GNG2: variants seen among roughly 807,000 people sequenced by gnomAD.
GNG2 encodes guanine nucleotide-binding protein G(I)/G(S)/G(O) subunit gamma-2.
Under a neutral mutation model 5.5 loss-of-function variants are expected in GNG2, and 5 were observed. The observed-to-expected ratio is 0.91, with a 90% CI of 0.48 to 1.92. The LOEUF is 1.92. Among genes scored for constraint, GNG2 ranks in the 30% most tolerant of loss-of-function variants. The pLI, the probability that GNG2 is intolerant of heterozygous loss-of-function variation, is 0.01. For missense variants in GNG2, 55 were observed against 88.4 expected (o/e 0.62, Z 1.52); for synonymous variants, 28 against 32.0 (o/e 0.88, Z 0.42).
chr14:51,931,341 T>C (rs1887647713), intron 2 of GNG2, among the ~76,000 whole-genome samples: 1 of 152,130 alleles, frequency 6.6e-6, no homozygotes, highest in African/African-American at 2.4e-5. Flanking sequence ...TTGACTGCTA[T>C]ATGGGAAAGA....
intron 1 of GNG2, among the ~76,000 whole-genome samples, chr14:51,873,670 T>A (rs1209864064): frequency 6.6e-6 from 1 of 152,262 alleles, no homozygotes; most frequent in African/African-American, 2.4e-5. Context: ...TGTAAGTCTC[T>A]AAGGTCAACC....
chr14:51,906,998 G>T (rs747595153), intron 2 of GNG2, among the ~76,000 whole-genome samples: 3 of 151,956 alleles, frequency 2.0e-5, no homozygotes, highest in Non-Finnish European at 4.4e-5. Context: ...CTCGTGATCC[G>T]CCTGCCTTGG....
chr14:51,840,293 C>T (rs1427139219), intron 2 of GNG2, among the ~76,000 whole-genome samples: 1 of 152,146 alleles, frequency 6.6e-6, no homozygotes, highest in Non-Finnish European at 1.5e-5. Context: ...CTTTATGTTC[C>T]TGTACAGTGT....
rs781725794 is a variant in GNG2 at position 51,932,246 on chromosome 14, CAAAAAAAAAA to C, written c.-29-18387_-29-18378del. On this transcript the variant is annotated intron_variant, in intron 2 of 3. Transcript: ENST00000556766. ...TGGGCAACAGAGCAAGACTCTGTCT[CAAAAAAAAAA>C]AAAAAAAAAAAAAAAAGAAAAGAAA... Among the ~76,000 whole-genome samples, 19 of 23,200 alleles carry C rather than the reference CAAAAAAAAAA, an allele frequency of 8.2e-4. 1 individual carries two copies. The highest frequency in any genetic ancestry group is 3.0e-3 in the Admixed American group (5 of 1,666). The allele number at this position is 23,200 out of a possible 152,430, so 15.2% of individuals were successfully genotyped here. A position where few individuals can be genotyped will look rare whatever the true frequency, so the allele number is the denominator to read the frequency against.
At chr14:51,850,398 TTC>T (rs1172071649) in intron 2 of GNG2, among the ~76,000 whole-genome samples, 1 of 152,180 alleles carries the variant, frequency 6.6e-6, no homozygotes, top group Non-Finnish European at 1.5e-5. Context: ...TTCTTCCTTA[TTC>T]TCTTTCTTCT....
At position 51,935,603 on chromosome 14, in the gene GNG2, T is replaced by C. The variant is rs528499722; in HGVS notation, c.-29-15047T>C. 8.5e-4 allele frequency among the ~76,000 whole-genome samples: 129 copies of C among 152,234 alleles called. 1 individual carries two copies. The highest frequency in any genetic ancestry group is 1.7e-3 in the Non-Finnish European group (116 of 68,032). ...GGTGAAAAGTGCATCTAGCCAGGTGTCTTAAACCTGGGTTTAAGTCCTTTG... is the reference window on the plus strand; with the variant it reads ...GGTGAAAAGTGCATCTAGCCAGGTGCCTTAAACCTGGGTTTAAGTCCTTTG... On this transcript the variant is annotated intron_variant, in intron 2 of 3. Coordinates refer to ENST00000556766, the MANE Select transcript of GNG2 (RefSeq NM_053064.5).
intron 2 of GNG2, among the ~76,000 whole-genome samples, chr14:51,935,183 C>A (rs994184916): frequency 6.6e-6 from 1 of 152,122 alleles, no homozygotes; most frequent in African/African-American, 2.4e-5. Flanking sequence ...TGCCACCACG[C>A]CCCGCTAATT....
intron 2 of GNG2, among the ~76,000 whole-genome samples, chr14:51,927,015 G>A (rs1019806308): frequency 6.6e-6 from 1 of 152,170 alleles, no homozygotes; most frequent in African/African-American, 2.4e-5. Context: ...TTACTTATCC[G>A]AAGCTGATGT....
chr14:51,846,459 G>T (rs1445101734), intron 2 of GNG2, among the ~76,000 whole-genome samples: 1 of 152,166 alleles, frequency 6.6e-6, no homozygotes, highest in Non-Finnish European at 1.5e-5. Context: ...CTCTGAAGTT[G>T]TTGGATAGAA....
chr14:51,964,248 C>T (rs761278021), intron 3 of GNG2, among the ~76,000 whole-genome samples: 3 of 152,184 alleles, frequency 2.0e-5, no homozygotes, highest in East Asian at 1.9e-4. Flanking sequence ...AACAGATTCT[C>T]GCTCAGACCC....
chr14:51,929,998 CATA>C (rs1887561550), intron 2 of GNG2, among the ~76,000 whole-genome samples: 1 of 152,118 alleles, frequency 6.6e-6, no homozygotes, highest in African/African-American at 2.4e-5. Flanking sequence ...CTAGAAATTC[CATA>C]ATGTTTCTAT....
At chr14:51,918,072 C>T (rs1218429305) in intron 2 of GNG2, among the ~76,000 whole-genome samples, 1 of 150,058 alleles carries the variant, frequency 6.7e-6, no homozygotes, top group Non-Finnish European at 1.5e-5. Context: ...AGAAGCCTCA[C>T]TACATCCCTC....
chr14:51,862,445 A>G (rs550826022), intron 1 of GNG2, among the ~76,000 whole-genome samples: 1 of 152,374 alleles, frequency 6.6e-6, no homozygotes, highest in African/African-American at 2.4e-5. Context: ...TCTTCGATCC[A>G]GAATGACCCA....
chr14:51,874,424 C>CAAAAAA (rs71121671), intron 1 of GNG2, among the ~76,000 whole-genome samples: 1 of 95,770 alleles, frequency 1.0e-5, no homozygotes, highest in African/African-American at 3.8e-5. Context: ...GACTCTGTCT[C>CAAAAAA]AAAAAAAAAA....
chr14:51,836,591 C>A (rs563615118), intron 2 of GNG2, among the ~76,000 whole-genome samples: 1 of 152,054 alleles, frequency 6.6e-6, no homozygotes, highest in Non-Finnish European at 1.5e-5. Context: ...CACCACAACT[C>A]CAGCAAGCAC....
At chr14:51,899,623 T>A (rs1466372665) in intron 2 of GNG2, among the ~76,000 whole-genome samples, 4 of 152,190 alleles carry the variant, frequency 2.6e-5, no homozygotes, top group Admixed American at 6.5e-5. Context: ...AAAAAATTTT[T>A]AAAAATTTAA....
chr14:51,840,217 G>A (rs1380238995), intron 2 of GNG2, among the ~76,000 whole-genome samples: 1 of 152,174 alleles, frequency 6.6e-6, no homozygotes, highest in African/African-American at 2.4e-5. Context: ...CGGTCTGGGA[G>A]CATGACACTT....
At chr14:51,846,996 C>T (rs1000119273) in intron 2 of GNG2, 1 of 152,178 alleles carries the variant, frequency 6.6e-6, no homozygotes. Flanking sequence ...GGAAATCAGT[C>T]ATTCAGAGTT....
chr14:51,961,456 C>A (rs67023996), intron 3 of GNG2, among the ~76,000 whole-genome samples: 16,124 of 152,182 alleles, frequency 0.11, 1,595 homozygotes, highest in East Asian at 0.38. Flanking sequence ...ACTGATTATA[C>A]GGTAGTAAAT....
Sources: allele counts gnomAD v4.1 joint callset (sites outside exome capture counted in the v4.1 genomes callset), GRCh38; gene constraint gnomAD v4.1.1; transcripts MANE v1.5; gene names NCBI Gene and HGNC (gene_info 2026-07-23, HGNC 2026-07-21).